Variants in PTPN11 observed in about 807,000 individuals in gnomAD.
PTPN11 encodes the protein tyrosine-protein phosphatase non-receptor type 11.
In PTPN11, 6 loss-of-function variants were observed where a neutral mutation model predicts 78.8. That is an observed-to-expected ratio of 0.08 (90% confidence interval 0.04 to 0.15). The LOEUF (loss-of-function observed/expected upper bound fraction) is 0.15. Among genes scored for constraint, PTPN11 ranks in the 10% least tolerant of loss-of-function variants. The pLI, the probability that PTPN11 is intolerant of heterozygous loss-of-function variation, is 1.00. For missense variants in PTPN11, 386 were observed against 744.8 expected (o/e 0.52, Z 5.61); for synonymous variants, 221 against 263.5 (o/e 0.84, Z 1.56).
At chr12:112,425,337 G>A (rs1442629579) in intron 1 of PTPN11, among the ~76,000 whole-genome samples, 1 of 151,874 alleles carries the variant, frequency 6.6e-6, no homozygotes, top group African/African-American at 2.4e-5. Flanking sequence ...TACTTATAAT[G>A]CTTGTCCCTA....
intron 4 of PTPN11, 61 bp downstream of exon 4, chr12:112,453,448 G>A: frequency 7.7e-7 from 1 of 1,299,090 alleles, no homozygotes; most frequent in Admixed American, 1.7e-5. Context: ...TTTTTCTGCT[G>A]ACAGAAGACA....
At position 112,508,069 on chromosome 12, in the gene PTPN11, T is replaced by C. The variant is rs1292513035; in HGVS notation, c.*2277T>C. On this transcript the variant is annotated 3_prime_UTR_variant, in exon 16 of 16. Transcript: ENST00000351677. ...GACTTGACTTTGGGGGTAAAGTCTT[T>C]CACCAGCACACAAGAGTTTGATTGT... 4 of 152,698 alleles carry C rather than the reference T, an allele frequency of 2.6e-5. No homozygotes were observed. Among genetic ancestry groups the C allele is most frequent in the Non-Finnish European group, 5.9e-5 (4 of 68,056 alleles). 9.5% of individuals were successfully genotyped at this position (152,698 alleles called of 1,614,324 possible).
chr12:112,474,240 C>T (rs2038463073), intron 7 of PTPN11, among the ~76,000 whole-genome samples: 1 of 152,100 alleles, frequency 6.6e-6, no homozygotes. Context: ...ATCCCAGCTA[C>T]TTGGGAGGCT....
chr12:112,425,248 G>C (rs986870841), intron 1 of PTPN11, among the ~76,000 whole-genome samples: 7 of 151,066 alleles, frequency 4.6e-5, no homozygotes, highest in African/African-American at 7.3e-5. Flanking sequence ...GTTCATCAGT[G>C]GGGGGGGCTA....
At chr12:112,441,062 T>G (rs1026609428) in intron 1 of PTPN11, among the ~76,000 whole-genome samples, 9 of 150,972 alleles carry the variant, frequency 6.0e-5, no homozygotes, top group African/African-American at 2.2e-4. Context: ...CTTCCCGGGT[T>G]CAAGCGATTC....
At chr12:112,471,681 A>G (rs891941280) in intron 6 of PTPN11, among the ~76,000 whole-genome samples, 10 of 151,614 alleles carry the variant, frequency 6.6e-5, no homozygotes, top group African/African-American at 2.4e-4. Context: ...GAAAAAAAAA[A>G]CAAGAAAAGG....
intron 14 of PTPN11, among the ~76,000 whole-genome samples, chr12:112,503,985 C>G (rs975572948): frequency 6.6e-6 from 1 of 152,188 alleles, no homozygotes; most frequent in Non-Finnish European, 1.5e-5. Flanking sequence ...AAATAGATCT[C>G]TCATCACTGC....
intron 1 of PTPN11, among the ~76,000 whole-genome samples, chr12:112,442,828 TTTTATATATATATATATATATA>T (rs1322278792): frequency 5.5e-5 from 3 of 54,988 alleles, no homozygotes; most frequent in African/African-American, 1.5e-4. Flanking sequence ...CTCTCTCTCT[TTTTATATATATATATATATATA>T]TATATATATA....
At chr12:112,486,373 T>C in intron 10 of PTPN11, 102 bp from the exon 11 acceptor site, 1 of 1,232,572 alleles carries the variant, frequency 8.1e-7, no homozygotes, top group Non-Finnish European at 1.2e-6. Context: ...CCTGGGGAGA[T>C]TCTCTTCCTC....
chr12:112,462,542 T>C (rs1247590733), intron 6 of PTPN11, among the ~76,000 whole-genome samples: 2 of 152,174 alleles, frequency 1.3e-5, no homozygotes, highest in Non-Finnish European at 2.9e-5. Context: ...AAAAACAAAG[T>C]GTATTCAAAG....
intron 13 of PTPN11, among the ~76,000 whole-genome samples, chr12:112,495,583 T>C (rs1408232967): frequency 1.3e-5 from 2 of 152,188 alleles, no homozygotes; most frequent in African/African-American, 4.8e-5. Flanking sequence ...ATCTGCCAGA[T>C]TTTTCTCACT....
Position 112,482,006 on chromosome 12 carries a change from T to A in PTPN11, c.1093-68T>A. 8.1e-6 allele frequency: 12 copies of A among 1,475,714 alleles called. No homozygotes were observed. The highest frequency in any genetic ancestry group is 1.1e-5 in the Non-Finnish European group (12 of 1,059,482). 91.4% of individuals were successfully genotyped at this position (1,475,714 alleles called of 1,614,324 possible). A position where few individuals can be genotyped will look rare whatever the true frequency, so the allele number is the denominator to read the frequency against. On this transcript the variant is annotated intron_variant, in intron 9 of 15. Coordinates refer to ENST00000351677, the MANE Select transcript of PTPN11 (RefSeq NM_002834.5). This position sits in a 1 kb window ranked among gnomAD's most constrained non-coding sequence, Gnocchi z 4.4. Reference sequence around the variant, plus strand: ...ATTAAGCAAGACTTGAACATTTGTTTGTTGCTTGTTTAGGCTTTTATTTCA... The same window carrying A: ...ATTAAGCAAGACTTGAACATTTGTTAGTTGCTTGTTTAGGCTTTTATTTCA...
intron 2 of PTPN11, among the ~76,000 whole-genome samples, chr12:112,447,504 A>G (rs2038011842): frequency 6.9e-6 from 1 of 145,260 alleles, no homozygotes; most frequent in Non-Finnish European, 1.5e-5. Flanking sequence ...ATAACGATCT[A>G]TTTTTTTTTT....
chr12:112,480,847 G>T (rs183892705), intron 9 of PTPN11, among the ~76,000 whole-genome samples: 156 of 152,264 alleles, frequency 1.0e-3, no homozygotes, highest in African/African-American at 3.5e-3. Context: ...GGTGGTTTTG[G>T]AAAGTGAGTG....
At chr12:112,436,264 G>A (rs992242115) in intron 1 of PTPN11, among the ~76,000 whole-genome samples, 1 of 152,094 alleles carries the variant, frequency 6.6e-6, no homozygotes, top group African/African-American at 2.4e-5. Flanking sequence ...GTCAATAATT[G>A]TTTTATGTAT....
rs755619262 is a variant in PTPN11 at position 112,453,231 on chromosome 12, G to T, written c.369G>T (p.Glu123Asp). 1.9e-6 allele frequency: 3 copies of T among 1,612,708 alleles called. No individual in the cohort carries two copies. The highest frequency in any genetic ancestry group is 1.7e-5 in the Admixed American group (1 of 60,008). The change falls in exon 4 of 16, where the codon GAG becomes GAT. Residue 123 changes from glutamate (E) to aspartate (D), a missense_variant. Transcript: ENST00000351677. ...GACATCTCTCTGGGAAAGAAGCAGA[G>T]AAATTATTAACTGAAAAAGGAAAAC... ...FHGHLSGKEA[E>D]KLLTEKGKHG...
chr12:112,471,150 C>G (rs781551344), intron 6 of PTPN11, among the ~76,000 whole-genome samples: 18 of 152,250 alleles, frequency 1.2e-4, no homozygotes, highest in South Asian at 1.0e-3. Flanking sequence ...AAAGTCCAGA[C>G]CTTTACACTT....
chr12:112,479,736 A>G (rs2038564849), intron 9 of PTPN11, among the ~76,000 whole-genome samples: 1 of 152,116 alleles, frequency 6.6e-6, no homozygotes, highest in African/African-American at 2.4e-5. Context: ...AGACATGAGG[A>G]TTGTGAAGAG....
intron 4 of PTPN11, 33 bp downstream of exon 4, chr12:112,453,420 G>C: frequency 6.3e-7 from 1 of 1,595,418 alleles, no homozygotes; most frequent in Non-Finnish European, 8.6e-7. Flanking sequence ...GGTCTGGCAA[G>C]ATGTTACCTT....
Sources: allele counts gnomAD v4.1 joint callset (sites outside exome capture counted in the v4.1 genomes callset), GRCh38; gene constraint gnomAD v4.1.1; non-coding constraint Gnocchi (gnomAD v3.1); transcripts MANE v1.5; gene names NCBI Gene and HGNC (gene_info 2026-07-23, HGNC 2026-07-21).